The following RALYL variants were observed in gnomAD, a reference collection of about 807,000 sequenced individuals.
RALYL encodes the protein RNA-binding Raly-like protein.
In RALYL, 29 loss-of-function variants were observed where a neutral mutation model predicts 35.1. That is an observed-to-expected ratio of 0.83 (90% confidence interval 0.61 to 1.13). The LOEUF (loss-of-function observed/expected upper bound fraction) is 1.13, where lower values mean the gene tolerates loss of function less well. RALYL is among the 50% of genes most tolerant of loss of function. RALYL has a pLI of 0.00. For synonymous variants in RALYL, 120 were observed against 127.6 expected (o/e 0.94, Z 0.40); for missense variants, 359 against 360.4 (o/e 1.00, Z 0.03).
chr8:84,819,902 T>G (rs1160934128), intron 4 of RALYL, among the ~76,000 whole-genome samples: 1 of 152,198 alleles, frequency 6.6e-6, no homozygotes, highest in Non-Finnish European at 1.5e-5. Flanking sequence ...TAATAAAGTG[T>G]CACATTAAAC....
chr8:84,847,226 T>C (rs1421091815), intron 4 of RALYL, among the ~76,000 whole-genome samples: 1 of 152,230 alleles, frequency 6.6e-6, no homozygotes, highest in Non-Finnish European at 1.5e-5. Flanking sequence ...TTCAAATGTC[T>C]GTGGGGATCA....
At chr8:84,341,405 A>T (rs1848759005) in intron 1 of RALYL, among the ~76,000 whole-genome samples, 1 of 151,892 alleles carries the variant, frequency 6.6e-6, no homozygotes, top group South Asian at 2.1e-4. Context: ...CTGATTTTAA[A>T]ATTGAGAGGA....
chr8:84,468,694 T>C (rs1260450560), intron 1 of RALYL, among the ~76,000 whole-genome samples: 5 of 150,402 alleles, frequency 3.3e-5, no homozygotes, highest in Non-Finnish European at 7.4e-5. Flanking sequence ...TTGGCCTGCC[T>C]TGCTAGACTG....
At chr8:84,248,206 C>G (rs1302285391) in intron 1 of RALYL, among the ~76,000 whole-genome samples, 1 of 152,020 alleles carries the variant, frequency 6.6e-6, no homozygotes, top group Non-Finnish European at 1.5e-5. Context: ...TACATCAGGC[C>G]ATCATGAGAT....
intron 1 of RALYL, among the ~76,000 whole-genome samples, chr8:84,220,731 T>C (rs1271226225): frequency 2.0e-5 from 3 of 151,914 alleles, no homozygotes; most frequent in African/African-American, 7.2e-5. Context: ...TGCAATTAAG[T>C]CAAACAAGAA....
Position 84,529,529 on chromosome 8 carries a change from G to C in RALYL, c.208G>C (p.Ala70Pro). 1 of 1,611,474 alleles carries C rather than the reference G, an allele frequency of 6.2e-7. No homozygotes were observed. ...VQYMSERHARAAVAGENARVI... is the reference protein window; with the variant it reads ...VQYMSERHARPAVAGENARVI... ...GTACATGAGTGAGCGACATGCAAGA[G>C]CTGCAGTGGCTGGAGAAAATGCCAG... is the stretch of plus-strand genomic sequence containing the variant. The change falls in exon 2 of 9, where the codon GCT becomes CCT. Residue 70 changes from alanine to proline, a missense_variant. Coordinates refer to ENST00000521268, the MANE Select transcript of RALYL (RefSeq NM_173848.7).
chr8:84,194,523 T>C (rs1586071835), intron 1 of RALYL, among the ~76,000 whole-genome samples: 1 of 152,196 alleles, frequency 6.6e-6, no homozygotes, highest in East Asian at 1.9e-4. Context: ...TAAGGAAGTC[T>C]CTTTTCAAAA....
chr8:84,276,720 GA>G (rs1215455942), intron 1 of RALYL, among the ~76,000 whole-genome samples: 1 of 152,174 alleles, frequency 6.6e-6, no homozygotes, highest in Non-Finnish European at 1.5e-5. Flanking sequence ...AGTGCTAAAT[GA>G]GGTTTGATAT....
At chr8:84,302,321 T>C (rs1840956229) in intron 1 of RALYL, among the ~76,000 whole-genome samples, 1 of 152,192 alleles carries the variant, frequency 6.6e-6, no homozygotes, top group Non-Finnish European at 1.5e-5. Context: ...CTTGGTCCCT[T>C]ATTCTTTTCT....
At chr8:84,594,721 C>T (rs1027032050) in intron 2 of RALYL, among the ~76,000 whole-genome samples, 7 of 151,968 alleles carry the variant, frequency 4.6e-5, no homozygotes, top group South Asian at 2.1e-4. Context: ...TTCATGTTAA[C>T]GTGAATTTTT....
chr8:84,559,977 T>G (rs539490205), intron 2 of RALYL, among the ~76,000 whole-genome samples: 1 of 151,730 alleles, frequency 6.6e-6, no homozygotes, highest in African/African-American at 2.4e-5. Context: ...TATTAGGTTT[T>G]TTTTTTTTTT....
chr8:84,600,414 T>A (rs1334900506), intron 2 of RALYL, among the ~76,000 whole-genome samples: 1 of 152,180 alleles, frequency 6.6e-6, no homozygotes. Flanking sequence ...TTGGCTGGAC[T>A]TATTTAGTTT....
At chr8:84,330,077 C>T (rs1037329149) in intron 1 of RALYL, among the ~76,000 whole-genome samples, 3 of 151,836 alleles carry the variant, frequency 2.0e-5, no homozygotes, top group South Asian at 2.1e-4. Context: ...TAAACAAAAA[C>T]GTGGACATTC....
At chr8:84,804,085 GA>G (rs1341714137) in intron 3 of RALYL, among the ~76,000 whole-genome samples, 2 of 152,134 alleles carry the variant, frequency 1.3e-5, no homozygotes, top group Admixed American at 1.3e-4. Context: ...GTTAATTTAT[GA>G]AATTAGAAAA....
intron 4 of RALYL, among the ~76,000 whole-genome samples, chr8:84,826,292 G>GAAAA (rs1169764529): frequency 1.2e-4 from 8 of 66,000 alleles, no homozygotes; most frequent in East Asian, 6.1e-4. Flanking sequence ...CCCTGAATCT[G>GAAAA]AAAAAAAAAA....
intron 1 of RALYL, among the ~76,000 whole-genome samples, chr8:84,441,728 A>G (rs1401067710): frequency 6.6e-6 from 1 of 152,118 alleles, no homozygotes; most frequent in Non-Finnish European, 1.5e-5. Context: ...TGTTCACATT[A>G]TGATTGATTT....
rs751280422 is a variant in RALYL at position 84,886,562 on chromosome 8, C to A, written c.686-1042C>A. ...AACCCAGCAAAATTAGTGAAAACAACCAACTTTTGAATAGTCATGAACACA... is the reference window on the plus strand; with the variant it reads ...AACCCAGCAAAATTAGTGAAAACAAACAACTTTTGAATAGTCATGAACACA... On this transcript the variant is annotated intron_variant, in intron 7 of 8. Coordinates refer to ENST00000521268, the MANE Select transcript of RALYL (RefSeq NM_173848.7). 3.3e-5 allele frequency among the ~76,000 whole-genome samples: 5 copies of A among 152,044 alleles called. No individual in the cohort carries two copies. In the South Asian group the frequency reaches 1.0e-3, roughly 32 times the overall value.
intron 1 of RALYL, among the ~76,000 whole-genome samples, chr8:84,512,308 G>A (rs1303248920): frequency 1.3e-5 from 2 of 151,746 alleles, no homozygotes; most frequent in African/African-American, 4.8e-5. Flanking sequence ...TGTTAATGAT[G>A]TTGAATGTTT....
At chr8:84,235,887 C>T (rs1341224569) in intron 1 of RALYL, among the ~76,000 whole-genome samples, 1 of 151,572 alleles carries the variant, frequency 6.6e-6, no homozygotes, top group Non-Finnish European at 1.5e-5. Flanking sequence ...CTGCCTCAGC[C>T]TCCCGAGTAG....
Sources: gnomAD v4.1 joint callset for allele counts (sites outside exome capture counted in the v4.1 genomes callset) on GRCh38, gnomAD v4.1.1 for gene constraint, MANE v1.5 for transcripts, NCBI Gene and HGNC (gene_info 2026-07-23, HGNC 2026-07-21) for gene names.